ATP11B: variants seen among roughly 807,000 people sequenced by gnomAD.
ATP11B encodes phospholipid-transporting ATPase IF.
A neutral mutation model predicts 157.8 loss-of-function variants in ATP11B; 81 were observed. That is an observed-to-expected ratio of 0.51 (90% CI 0.43 to 0.62). ATP11B has a LOEUF of 0.62. ATP11B is among the 20% of genes least tolerant of loss of function. The pLI, the probability that ATP11B is intolerant of heterozygous loss-of-function variation, is 0.00. For synonymous variants in ATP11B, 451 were observed against 469.4 expected (o/e 0.96, Z 0.51); for missense variants, 1,165 against 1,402.2 (o/e 0.83, Z 2.70).
intron 25 of ATP11B, among the ~76,000 whole-genome samples, chr3:182,891,407 T>C (rs1202815880): frequency 6.6e-6 from 1 of 152,222 alleles, no homozygotes; most frequent in African/African-American, 2.4e-5. Flanking sequence ...CAGATATTAT[T>C]ACTTTTATTA....
rs768826917 is a variant in ATP11B, at chr3:182,873,940, C to G, written c.2177C>G (p.Thr726Ser). ...VSLSCGHFHR[T>S]MNILELINQK... is the part of the protein sequence containing the mutation. ...TTATCATGTGGCCATTTTCATAGAA[C>G]CATGAACATCCTTGAACTTATAAAC... The change falls in exon 19 of 30, where the codon ACC (threonine) becomes AGC (serine). Residue 726 changes from threonine to serine, a missense_variant. By Grantham distance (58) the Thr-to-Ser change is moderately conservative (BLOSUM62 1). This residue lies in a region of ATP11B where 737 missense variants were observed against 930.5 expected (regional missense o/e 0.79). Transcript: ENST00000323116. The G allele has an allele frequency of 1.4e-5, 22 of 1,614,052 alleles. No individual in the cohort carries two copies. The highest frequency in any genetic ancestry group is 1.8e-5 in the Non-Finnish European group (21 of 1,179,982).
chr3:182,862,756 C>T (rs146693015), intron 12 of ATP11B, among the ~76,000 whole-genome samples: 2 of 151,890 alleles, frequency 1.3e-5, no homozygotes, highest in East Asian at 3.9e-4. Context: ...TTCCATCTTC[C>T]AAACTTGTGT....
rs759278095 is a variant in ATP11B, at chr3:182,829,126, G to A, written c.235-546G>A. 1.6e-4 allele frequency among the ~76,000 whole-genome samples: 24 copies of A among 152,136 alleles called. 1 individual carries two copies. Among genetic ancestry groups the A allele is most frequent in the Non-Finnish European group, 5.9e-5 (4 of 68,018 alleles). ...AGAAATGTATGCTAACCATATCCACGTAACATCCATACATTTGTGAAATCA... is the reference window on the plus strand; with the variant it reads ...AGAAATGTATGCTAACCATATCCACATAACATCCATACATTTGTGAAATCA... On this transcript the variant is annotated intron_variant, in intron 3 of 29. Transcript: ENST00000323116.
chr3:182,851,883 C>T (rs1314341224), intron 10 of ATP11B, among the ~76,000 whole-genome samples: 1 of 152,230 alleles, frequency 6.6e-6, no homozygotes, highest in Non-Finnish European at 1.5e-5. Context: ...CCAGACCCAA[C>T]TATATGCTGT....
intron 25 of ATP11B, among the ~76,000 whole-genome samples, chr3:182,893,018 C>T (rs771898175): frequency 1.3e-5 from 2 of 152,080 alleles, no homozygotes; most frequent in Non-Finnish European, 2.9e-5. Context: ...TTGCCTAGCC[C>T]TTATCCAGTC....
intron 1 of ATP11B, among the ~76,000 whole-genome samples, chr3:182,815,444 G>A (rs1716914136): frequency 6.6e-6 from 1 of 152,166 alleles, no homozygotes; most frequent in Admixed American, 6.5e-5. Flanking sequence ...GTAGGTTTCA[G>A]TAAAAGACGT....
intron 14 of ATP11B, 46 bp from the exon 15 acceptor site, chr3:182,867,330 C>A: frequency 2.8e-6 from 3 of 1,057,128 alleles, no homozygotes; most frequent in Non-Finnish European, 4.4e-6. Context: ...GTGAAATATG[C>A]AGTATTATTT....
At chr3:182,856,739 A>C (rs1011362542) in intron 10 of ATP11B, among the ~76,000 whole-genome samples, 1 of 152,236 alleles carries the variant, frequency 6.6e-6, no homozygotes, top group African/African-American at 2.4e-5. Context: ...TAGAGTTTAC[A>C]TTGGAACATG....
At position 182,859,162 on chromosome 3, in the gene ATP11B, A is replaced by T; in HGVS notation, c.1003A>T (p.Ile335Phe). 1 of 1,594,200 alleles carries T rather than the reference A, an allele frequency of 6.3e-7. No homozygotes were observed. The highest frequency in any genetic ancestry group is 8.6e-7 in the Non-Finnish European group (1 of 1,168,766). The change falls in exon 12 of 30, where the codon ATT becomes TTT. Residue 335 changes from isoleucine (I) to phenylalanine (F), a missense_variant and splice_region_variant. Physicochemically the swap from Ile to Phe is conservative, Grantham distance 21. This residue lies in a region of ATP11B where 737 missense variants were observed against 930.5 expected (regional missense o/e 0.79). Coordinates refer to ENST00000323116, the MANE Select transcript of ATP11B (RefSeq NM_014616.3). ...CAAACAATTATTTCCTTTTTTCTAG[A>T]TTCTGAGATTTATTTCAGACTTCCT... is the stretch of plus-strand genomic sequence containing the variant. ...KTEHQRNSSK[I>F]LRFISDFLAF...
rs151256078 is a variant in ATP11B, at chr3:182,799,548, T to C, written c.27+5762T>C. On this transcript the variant is annotated intron_variant, in intron 1 of 29. Coordinates refer to ENST00000323116, the MANE Select transcript of ATP11B (RefSeq NM_014616.3). ...CCTCGGCCTCCGGAAGTGCTGGGAT[T>C]ACAGGCGTCAGCCACCATGCCCGGC... 4.4e-3 allele frequency among the ~76,000 whole-genome samples: 664 copies of C among 152,286 alleles called. 2 individuals carry two copies. The highest frequency in any genetic ancestry group is 0.016 in the African/African-American group (648 of 41,554).
intron 25 of ATP11B, among the ~76,000 whole-genome samples, chr3:182,890,756 T>C (rs912551428): frequency 2.0e-5 from 3 of 152,178 alleles, no homozygotes; most frequent in African/African-American, 7.2e-5. Flanking sequence ...CATTTGCTCA[T>C]TAAATCATAA....
chr3:182,865,970 A>G (rs1721202332), intron 13 of ATP11B, among the ~76,000 whole-genome samples: 1 of 152,146 alleles, frequency 6.6e-6, no homozygotes, highest in Non-Finnish European at 1.5e-5. Flanking sequence ...AGTGAAGAAG[A>G]CTTTCTTTGA....
intron 7 of ATP11B, among the ~76,000 whole-genome samples, chr3:182,838,380 A>C (rs1718724448): frequency 6.6e-6 from 1 of 151,942 alleles, no homozygotes. Flanking sequence ...CAAGCATAAG[A>C]TTAATATGAG....
intron 7 of ATP11B, 63 bp downstream of exon 7, chr3:182,837,237 C>T (rs180982365): frequency 1.7e-6 from 2 of 1,185,412 alleles, no homozygotes; most frequent in Non-Finnish European, 2.4e-6. Flanking sequence ...TTTTAAATAA[C>T]CATAAACATA....
intron 25 of ATP11B, among the ~76,000 whole-genome samples, chr3:182,892,487 A>G (rs1723243157): frequency 6.6e-6 from 1 of 152,210 alleles, no homozygotes; most frequent in South Asian, 2.1e-4. Flanking sequence ...TTGCAAACCA[A>G]GTGATCCTGG....
intron 4 of ATP11B, chr3:182,829,963 T>C (rs1189091952): frequency 1.0e-6 from 1 of 984,992 alleles, no homozygotes; most frequent in Non-Finnish European, 1.2e-6. Context: ...CGTTAAAATA[T>C]GTAGTTCCCT....
chr3:182,872,571 C>T, intron 18 of ATP11B, 34 bp downstream of exon 18: 1 of 1,502,152 alleles, frequency 6.7e-7, no homozygotes, highest in Non-Finnish European at 9.0e-7. Flanking sequence ...TATTACTTTT[C>T]TCTCATAGGA....
chr3:182,867,579 CTTTTTTTTTT>C lies in ATP11B; in HGVS notation c.1688+148_1688+157del, dbSNP rs386398716. On this transcript the variant is annotated intron_variant, in intron 15 of 29. Coordinates refer to ENST00000323116, the MANE Select transcript of ATP11B (RefSeq NM_014616.3). Reference sequence around the variant, plus strand: ...TTTCTACAGCCCACAAGTCACATTACTTTTTTTTTTTTTTTTTTTTTTGAGACAGAATCTT... The same window carrying C: ...TTTCTACAGCCCACAAGTCACATTACTTTTTTTTTTTTGAGACAGAATCTT... 8 of 152,814 alleles carry C rather than the reference CTTTTTTTTTT, an allele frequency of 5.2e-5. 1 individual carries two copies. In the East Asian group the frequency reaches 7.5e-4, roughly 14 times the overall value. The allele number at this position is 152,814 out of a possible 1,614,324, so 9.5% of individuals were successfully genotyped here. A position where few individuals can be genotyped will look rare whatever the true frequency, so the allele number is the denominator to read the frequency against.
rs548380460 is a variant in ATP11B at position 182,885,835 on chromosome 3, C to CT, written c.2656-114dup. 259 of 606,350 alleles carry CT rather than the reference C, an allele frequency of 4.3e-4. 1 individual carries two copies. In the East Asian group the frequency reaches 8.8e-3, roughly 21 times the overall value. 37.6% of individuals were successfully genotyped at this position (606,350 alleles called of 1,614,324 possible). On this transcript the variant is annotated intron_variant, in intron 22 of 29. Transcript: ENST00000323116. Reference sequence around the variant, plus strand: ...TATATGGACAAGTCCTTATCCTTTACTTACCATACCAACTGAGATTGTTTT... The same window carrying CT: ...TATATGGACAAGTCCTTATCCTTTACTTTACCATACCAACTGAGATTGTTTT...
Sources: allele counts gnomAD v4.1 joint callset (sites outside exome capture counted in the v4.1 genomes callset), GRCh38; gene constraint gnomAD v4.1.1; regional missense constraint gnomAD v4.1.1; transcripts MANE v1.5; gene names NCBI Gene and HGNC (gene_info 2026-07-23, HGNC 2026-07-21).